The following SLC4A7 variants were observed in gnomAD, a reference collection of about 807,000 sequenced individuals.
SLC4A7 encodes solute carrier family 4 member 7, also known as sodium bicarbonate cotransporter 3.
Under a neutral mutation model 137.6 loss-of-function variants are expected in SLC4A7, and 51 were observed. The ratio of observed to expected loss-of-function variants is 0.37; its 90% CI spans 0.30 to 0.47. The LOEUF (loss-of-function observed/expected upper bound fraction) is 0.47, where lower values mean the gene tolerates loss of function less well. Among genes scored for constraint, SLC4A7 ranks in the 20% least tolerant of loss-of-function variants. The pLI is 1.00. For missense variants in SLC4A7, 1,247 were observed against 1,525.4 expected (o/e 0.82, Z 3.04); for synonymous variants, 542 against 518.6 (o/e 1.05, Z -0.61).
chr3:27,476,990 AATCT>A (rs1238537494), intron 1 of SLC4A7, among the ~76,000 whole-genome samples: 1 of 152,204 alleles, frequency 6.6e-6, no homozygotes, highest in East Asian at 1.9e-4. Flanking sequence ...GCCATCAGGG[AATCT>A]GGAGGCAGAG....
At chr3:27,435,342 C>T (rs1156307147) in intron 5 of SLC4A7, among the ~76,000 whole-genome samples, 2 of 152,136 alleles carry the variant, frequency 1.3e-5, no homozygotes, top group Non-Finnish European at 2.9e-5. Context: ...CTCCCCCTTT[C>T]ATTTTCATTG....
At chr3:27,433,636 G>A (rs1401520321) in intron 6 of SLC4A7, among the ~76,000 whole-genome samples, 3 of 151,548 alleles carry the variant, frequency 2.0e-5, no homozygotes, top group Non-Finnish European at 4.4e-5. Context: ...AGCAAATCAA[G>A]TATGTTCAGG....
chr3:27,378,961 T>C (rs549963731), intron 25 of SLC4A7, among the ~76,000 whole-genome samples: 129 of 152,282 alleles, frequency 8.5e-4, no homozygotes, highest in African/African-American at 2.5e-3. Flanking sequence ...TGGAGTGCAA[T>C]GGCATGATCT....
chr3:27,378,997 G>A (rs1351373722), intron 25 of SLC4A7, among the ~76,000 whole-genome samples: 1 of 152,168 alleles, frequency 6.6e-6, no homozygotes, highest in African/African-American at 2.4e-5. Flanking sequence ...GACCTCAGAT[G>A]ATCCTGACCT....
chr3:27,428,992 G>A (rs1485205707), intron 7 of SLC4A7, among the ~76,000 whole-genome samples: 1 of 152,142 alleles, frequency 6.6e-6, no homozygotes, highest in Non-Finnish European at 1.5e-5. Flanking sequence ...TATAGGCTGG[G>A]CATGGTGGCT....
chr3:27,454,543 T>C (rs1049064276), intron 1 of SLC4A7, among the ~76,000 whole-genome samples: 1 of 152,136 alleles, frequency 6.6e-6, no homozygotes, highest in African/African-American at 2.4e-5. Flanking sequence ...ACTTCCTCAG[T>C]AACAAGGAAA....
intron 3 of SLC4A7, among the ~76,000 whole-genome samples, chr3:27,448,024 C>T (rs1400401280): frequency 1.3e-5 from 2 of 151,700 alleles, no homozygotes; most frequent in Non-Finnish European, 2.9e-5. Flanking sequence ...CCAGCCTGGC[C>T]AACATAGTGA....
intron 1 of SLC4A7, among the ~76,000 whole-genome samples, chr3:27,483,523 C>A (rs2059805218): frequency 6.6e-6 from 1 of 152,208 alleles, no homozygotes; most frequent in African/African-American, 2.4e-5. Context: ...ACTCACCGAA[C>A]AAAGCGCACC....
At chr3:27,461,729 G>T (rs1406873828) in intron 1 of SLC4A7, among the ~76,000 whole-genome samples, 1 of 151,906 alleles carries the variant, frequency 6.6e-6, no homozygotes, top group African/African-American at 2.4e-5. Flanking sequence ...GGAGGCCGAG[G>T]CGGGCAGATC....
chr3:27,476,719 T>C (rs1213736866), intron 1 of SLC4A7, among the ~76,000 whole-genome samples: 2 of 152,164 alleles, frequency 1.3e-5, no homozygotes, highest in East Asian at 1.9e-4. Flanking sequence ...AAGACTTGCA[T>C]GCTTCCCCTT....
intron 10 of SLC4A7, among the ~76,000 whole-genome samples, chr3:27,419,008 C>G (rs1283058913): frequency 6.6e-6 from 1 of 152,124 alleles, no homozygotes; most frequent in Non-Finnish European, 1.5e-5. Context: ...AACAACTTTA[C>G]TTAAATAATT....
At position 27,483,774 on chromosome 3, in the gene SLC4A7, G is replaced by A. The variant is rs1437279152; in HGVS notation, c.60+293C>T. 3.3e-5 allele frequency among the ~76,000 whole-genome samples: 5 copies of A among 152,090 alleles called. No homozygotes were observed. The South Asian group carries it at 6.2e-4, about 19-fold the overall frequency. On this transcript the variant is annotated intron_variant, in intron 1 of 25. Coordinates refer to ENST00000454389, the MANE Select transcript of SLC4A7 (RefSeq NM_001321103.2). ...AAGGGATGGATGGTCGGGGTCACAGGCGGCCTCTGCGGGGATGTCGGGGTC... is the reference window on the plus strand; with the variant it reads ...AAGGGATGGATGGTCGGGGTCACAGACGGCCTCTGCGGGGATGTCGGGGTC...
rs772073069 is a variant in SLC4A7, at chr3:27,434,115, A to G, written c.590-11T>C. On this transcript the variant is annotated splice_polypyrimidine_tract_variant and intron_variant, in intron 5 of 25. Transcript: ENST00000454389. Reference sequence around the variant, plus strand: ...TGTCTAATACCATATCTATTCAATGAAAAAAAAAATAAATTACTAAACACT... The same window carrying G: ...TGTCTAATACCATATCTATTCAATGGAAAAAAAAATAAATTACTAAACACT... The G allele has an allele frequency of 6.5e-6, 9 of 1,380,990 alleles. No homozygotes were observed. Among genetic ancestry groups the G allele is most frequent in the Non-Finnish European group, 8.8e-6 (9 of 1,021,106 alleles). The allele number at this position is 1,380,990 out of a possible 1,614,324, so 85.5% of individuals were successfully genotyped here.
In SLC4A7 at chr3:27,390,479, T is replaced by C. The variant is rs552764369; in HGVS notation, c.3187-375A>G. On this transcript the variant is annotated intron_variant, in intron 21 of 25. Transcript: ENST00000454389. ...AGAATAGTCTGAGTGACTTCTAAGGTTCTTCACAAATTTAACCAGAAAATA... is the reference window on the plus strand; with the variant it reads ...AGAATAGTCTGAGTGACTTCTAAGGCTCTTCACAAATTTAACCAGAAAATA... Among the ~76,000 whole-genome samples, 2 of 152,352 alleles carry C rather than the reference T, an allele frequency of 1.3e-5. 1 individual carries two copies. The highest frequency in any genetic ancestry group is 4.1e-4 in the South Asian group (2 of 4,828).
chr3:27,439,220 G>A (rs1443067513), intron 3 of SLC4A7, among the ~76,000 whole-genome samples: 1 of 152,100 alleles, frequency 6.6e-6, no homozygotes, highest in African/African-American at 2.4e-5. Context: ...AGAGAATGCA[G>A]AAACAACAGA....
chr3:27,449,723 A>G (rs557578008), intron 2 of SLC4A7, among the ~76,000 whole-genome samples: 23 of 152,366 alleles, frequency 1.5e-4, no homozygotes, highest in Non-Finnish European at 3.2e-4. Flanking sequence ...ACTATGTCAA[A>G]TATCAAATGA....
At chr3:27,395,194 G>T in intron 18 of SLC4A7, 79 bp from the exon 19 acceptor site, 1 of 989,602 alleles carries the variant, frequency 1.0e-6, no homozygotes, top group Non-Finnish European at 1.4e-6. Context: ...GACTTGATCT[G>T]TTCCAAGAAA....
intron 1 of SLC4A7, among the ~76,000 whole-genome samples, chr3:27,467,258 G>A (rs933455446): frequency 6.6e-5 from 10 of 152,048 alleles, no homozygotes; most frequent in African/African-American, 1.9e-4. Context: ...ATTTAAATCA[G>A]GGGTATCTGA....
At chr3:27,478,960 G>A (rs955891825) in intron 1 of SLC4A7, among the ~76,000 whole-genome samples, 5 of 151,172 alleles carry the variant, frequency 3.3e-5, no homozygotes, top group African/African-American at 1.2e-4. Flanking sequence ...AGTCGAGATC[G>A]CACCACTGCA....
Sources: gnomAD v4.1 joint callset for allele counts (sites outside exome capture counted in the v4.1 genomes callset) on GRCh38, gnomAD v4.1.1 for gene constraint, MANE v1.5 for transcripts, NCBI Gene and HGNC (gene_info 2026-07-23, HGNC 2026-07-21) for gene names.